The following CTNNA2 variants were observed in gnomAD, a reference collection of about 807,000 sequenced individuals.
CTNNA2 encodes catenin alpha-2.
Under a neutral mutation model 101.0 loss-of-function variants are expected in CTNNA2, and 42 were observed. The observed-to-expected ratio is 0.42, with a 90% CI of 0.32 to 0.54. CTNNA2 has a LOEUF of 0.54. Among genes scored for constraint, CTNNA2 ranks in the 20% least tolerant of loss-of-function variants. CTNNA2 has a pLI of 0.14. For missense variants in CTNNA2, 871 were observed against 1,223.1 expected (o/e 0.71, Z 4.29); for synonymous variants, 450 against 456.4 (o/e 0.99, Z 0.18).
chr2:80,207,706 A>T (rs1370277212), intron 7 of CTNNA2, among the ~76,000 whole-genome samples: 1 of 152,050 alleles, frequency 6.6e-6, no homozygotes, highest in Non-Finnish European at 1.5e-5. Context: ...AAGTGTTTGG[A>T]GTGTGGGAGA....
intron 7 of CTNNA2, among the ~76,000 whole-genome samples, chr2:80,228,579 C>G (rs1043822466): frequency 1.3e-5 from 2 of 152,132 alleles, no homozygotes; most frequent in Non-Finnish European, 2.9e-5. Context: ...TTTTTACTGT[C>G]CCCTCTCCTT....
intron 6 of CTNNA2, among the ~76,000 whole-genome samples, chr2:79,875,522 T>C (rs1021266625): frequency 6.6e-6 from 1 of 152,172 alleles, no homozygotes; most frequent in African/African-American, 2.4e-5. Flanking sequence ...ATGTGAATTT[T>C]TGGCAAGAAA....
At chr2:79,868,243 A>G (rs1188148295) in intron 4 of CTNNA2, among the ~76,000 whole-genome samples, 1 of 152,202 alleles carries the variant, frequency 6.6e-6, no homozygotes, top group Non-Finnish European at 1.5e-5. Context: ...CTTTCCATAG[A>G]AGATGAGAAT....
intron 7 of CTNNA2, among the ~76,000 whole-genome samples, chr2:80,318,343 C>A (rs1678332266): frequency 2.0e-5 from 3 of 152,054 alleles, no homozygotes; most frequent in Admixed American, 2.0e-4. Flanking sequence ...GCCCCTCCTC[C>A]CCTGTTTTCC....
chr2:79,455,675 G>A (rs575446742), intron 4 of CTNNA2, among the ~76,000 whole-genome samples: 2 of 152,226 alleles, frequency 1.3e-5, no homozygotes, highest in South Asian at 2.1e-4. Flanking sequence ...GACCCACTTG[G>A]GGTAATCAAA....
chr2:79,455,153 C>G (rs977731801), intron 4 of CTNNA2, among the ~76,000 whole-genome samples: 1 of 152,214 alleles, frequency 6.6e-6, no homozygotes, highest in Non-Finnish European at 1.5e-5. Flanking sequence ...TCATGCATTA[C>G]AAGGCATAAT....
At chr2:79,886,286 A>G (rs985957013) in intron 6 of CTNNA2, among the ~76,000 whole-genome samples, 1 of 152,268 alleles carries the variant, frequency 6.6e-6, no homozygotes, top group Admixed American at 6.5e-5. Flanking sequence ...TCATCATTGC[A>G]TGCAGTTGTA....
At chr2:79,504,120 G>A (rs1671360970) in intron 4 of CTNNA2, among the ~76,000 whole-genome samples, 2 of 152,160 alleles carry the variant, frequency 1.3e-5, no homozygotes, top group South Asian at 4.1e-4. Flanking sequence ...TGAGATTGTG[G>A]CTGGGGGCAA....
chr2:80,331,484 A>G (rs950972504), intron 7 of CTNNA2, among the ~76,000 whole-genome samples: 8 of 152,098 alleles, frequency 5.3e-5, no homozygotes, highest in Non-Finnish European at 1.2e-4. Context: ...AGTAACAGAG[A>G]TGCTCAGAAG....
At chr2:79,215,005 T>C (rs931791227) in intron 2 of CTNNA2, among the ~76,000 whole-genome samples, 3 of 152,068 alleles carry the variant, frequency 2.0e-5, no homozygotes, top group East Asian at 1.9e-4. Context: ...TACCTTCCAC[T>C]GTGAGAGTCA....
intron 7 of CTNNA2, among the ~76,000 whole-genome samples, chr2:80,089,433 C>A (rs75072024): frequency 6.6e-6 from 1 of 151,882 alleles, no homozygotes; most frequent in African/African-American, 2.4e-5. Flanking sequence ...TTACAACCTG[C>A]GCTCCCTTTT....
intron 7 of CTNNA2, among the ~76,000 whole-genome samples, chr2:80,121,828 G>A (rs927073993): frequency 1.3e-5 from 2 of 152,116 alleles, no homozygotes; most frequent in African/African-American, 2.4e-5. Context: ...AACCTGGTCC[G>A]ATGGGAAATA....
chr2:79,735,266 C>G (rs1670792231), intron 2 of CTNNA2, among the ~76,000 whole-genome samples: 1 of 152,066 alleles, frequency 6.6e-6, no homozygotes, highest in Admixed American at 6.6e-5. Flanking sequence ...TTGATATTCT[C>G]TAGGGAAAAT....
chr2:80,303,996 C>T lies in CTNNA2; in HGVS notation c.1057-89215C>T. Reference sequence around the variant, plus strand: ...CCCTCCCCAAAAACCACACGTTCACCTCTAAGCATGCAGAAAGCTGGGCAG... The same window carrying T: ...CCCTCCCCAAAAACCACACGTTCACTTCTAAGCATGCAGAAAGCTGGGCAG... On this transcript the variant is annotated intron_variant, in intron 7 of 18. Coordinates refer to ENST00000402739, the MANE Select transcript of CTNNA2 (RefSeq NM_001282597.3). The surrounding 1 kb of genome is among the most constrained non-coding windows in gnomAD (Gnocchi z 7.7). The T allele has an allele frequency of 1.6e-6, 1 of 637,222 alleles. No individual in the cohort carries two copies. The highest frequency in any genetic ancestry group is 2.5e-6 in the Non-Finnish European group (1 of 403,702). The allele number at this position is 637,222 out of a possible 1,614,324, so 39.5% of individuals were successfully genotyped here.
chr2:79,552,611 AT>A (rs1674184435), intron 1 of CTNNA2, among the ~76,000 whole-genome samples: 2 of 152,140 alleles, frequency 1.3e-5, no homozygotes, highest in Non-Finnish European at 2.9e-5. Flanking sequence ...ACATCCGGGC[AT>A]TTCCATTCAT....
At chr2:79,331,022 T>C (rs1203133273) in intron 3 of CTNNA2, among the ~76,000 whole-genome samples, 3 of 152,196 alleles carry the variant, frequency 2.0e-5, no homozygotes, top group Admixed American at 6.5e-5. Flanking sequence ...CTCACCCCGT[T>C]AGGAATTAGT....
At chr2:80,528,355 C>T (rs139620446) in intron 9 of CTNNA2, among the ~76,000 whole-genome samples, 2,357 of 152,204 alleles carry the variant, frequency 0.015, 27 homozygotes, top group Non-Finnish European at 0.026. Flanking sequence ...CACCACCATG[C>T]CTGGCTAATT....
intron 7 of CTNNA2, among the ~76,000 whole-genome samples, chr2:80,384,778 C>T (rs1411738622): frequency 1.3e-5 from 2 of 151,904 alleles, no homozygotes; most frequent in African/African-American, 4.8e-5. Context: ...ACCTAGATGC[C>T]CTGCCAAGAC....
intron 7 of CTNNA2, among the ~76,000 whole-genome samples, chr2:80,164,920 C>G (rs866852611): frequency 6.7e-6 from 1 of 148,566 alleles, no homozygotes; most frequent in African/African-American, 2.5e-5. Flanking sequence ...CTTATTTGAA[C>G]AGCTTTTCCC....
Sources: allele counts gnomAD v4.1 joint callset (sites outside exome capture counted in the v4.1 genomes callset), GRCh38; gene constraint gnomAD v4.1.1; non-coding constraint Gnocchi (gnomAD v3.1); transcripts MANE v1.5; gene names NCBI Gene and HGNC (gene_info 2026-07-23, HGNC 2026-07-21).